Variants in ZNF600 observed in about 807,000 individuals in gnomAD.
ZNF600 encodes the protein zinc finger protein 600, also known as zinc finger protein KR-ZNF1.
Under a neutral mutation model 7.3 loss-of-function variants are expected in ZNF600, and 4 were observed. The observed-to-expected ratio is 0.55, with a 90% confidence interval of 0.27 to 1.25. The LOEUF (loss-of-function observed/expected upper bound fraction) is 1.25, where lower values mean the gene tolerates loss of function less well. ZNF600 is among the 50% of genes most tolerant of loss of function. The probability of loss-of-function intolerance (pLI) is 0.12; values close to 1 mark genes in which losing one functional copy is unlikely to be tolerated. For synonymous variants in ZNF600, 290 were observed against 308.9 expected, an observed-to-expected ratio of 0.94 and a Z score of 0.64; for missense variants, 911 against 922.1, an observed-to-expected ratio of 0.99 and a Z score of 0.16.
chr19:52,775,516 C>G (rs550354883), intron 2 of ZNF600, among the ~76,000 whole-genome samples: 9 of 152,236 alleles, frequency 5.9e-5, no homozygotes, highest in Non-Finnish European at 8.8e-5. Flanking sequence ...CACCACTGCA[C>G]TTTAGCCTGG....
chr19:52,766,196 A>G (rs1243870210), exon 4 of ZNF600: 1 of 1,613,634 alleles, frequency 6.2e-7, no homozygotes, highest in South Asian at 1.1e-5. Context: ...TCTCACCACT[A>G]TGAACTCTGC....
intron 3 of ZNF600, among the ~76,000 whole-genome samples, chr19:52,768,775 G>A (rs2062609236): frequency 6.6e-6 from 1 of 152,046 alleles, no homozygotes; most frequent in Non-Finnish European, 1.5e-5. Flanking sequence ...GCAAGAGTTC[G>A]AGGGCACAAG....
chr19:52,808,096 G>A, the ZNF600 span: 3 of 1,613,396 alleles, frequency 1.9e-6, no homozygotes, highest in Non-Finnish European at 2.5e-6. Context: ...CTCCTCCTGA[G>A]AGAATTCTAT....
chr19:52,810,781 A>AAAAC, the ZNF600 span: 321 of 119,240 alleles, frequency 2.7e-3, 2 homozygotes, highest in Middle Eastern at 5.7e-3. Context: ...AAAAAAACCC[A>AAAAC]AAAAAAACAG....
At chr19:52,767,127 C>T in exon 4 of ZNF600, 1 of 1,613,856 alleles carries the variant, frequency 6.2e-7, no homozygotes, top group Non-Finnish European at 8.5e-7. Context: ...AGTGTGACAT[C>T]TACAATGGCA....
chr19:52,789,839 C>G (rs936150331), upstream of ZNF600, among the ~76,000 whole-genome samples: 7 of 152,162 alleles, frequency 4.6e-5, no homozygotes, highest in African/African-American at 7.2e-5. Flanking sequence ...TTTATTTCAC[C>G]TGGGTGCAGG....
At chr19:52,815,529 TA>T in the ZNF600 span, among the ~76,000 whole-genome samples, 76 of 141,096 alleles carry the variant, frequency 5.4e-4, 9 homozygotes, top group Middle Eastern at 3.9e-3. Flanking sequence ...AAAAAATAAA[TA>T]AAAAAAATAA....
At chr19:52,766,523 T>C (rs746990695) in exon 4 of ZNF600, 15 of 1,613,180 alleles carry the variant, frequency 9.3e-6, no homozygotes, top group Non-Finnish European at 1.3e-5. Context: ...TGTAAGGTTT[T>C]CCTCCACTAT....
At chr19:52,765,716 G>A in exon 4 of ZNF600, 1 of 1,613,816 alleles carries the variant, frequency 6.2e-7, no homozygotes, top group Non-Finnish European at 8.5e-7. Context: ...GTTGTTTCAG[G>A]TGTGAATCAC....
the ZNF600 span, among the ~76,000 whole-genome samples, chr19:52,795,317 A>C: frequency 6.6e-6 from 1 of 152,202 alleles, no homozygotes; most frequent in Non-Finnish European, 1.5e-5. Flanking sequence ...ACACATTGAA[A>C]CAAGCTAAAA....
the ZNF600 span, among the ~76,000 whole-genome samples, chr19:52,812,636 C>T: frequency 3.1e-5 from 4 of 129,854 alleles, no homozygotes; most frequent in Non-Finnish European, 6.5e-5. Context: ...TGCGGAAGGC[C>T]GCAGGGACCT....
intron 1 of ZNF600, among the ~76,000 whole-genome samples, chr19:52,784,269 G>A (rs947379822): frequency 1.3e-5 from 2 of 152,070 alleles, no homozygotes; most frequent in Non-Finnish European, 1.5e-5. Context: ...AGCTGGGCTT[G>A]GTGTCTCACA....
chr19:52,804,655 G>A, the ZNF600 span, among the ~76,000 whole-genome samples: 1 of 152,278 alleles, frequency 6.6e-6, no homozygotes, highest in South Asian at 2.1e-4. Flanking sequence ...ACAGGTGTGA[G>A]CCACTGCACC....
the ZNF600 span, among the ~76,000 whole-genome samples, chr19:52,832,710 A>G: frequency 2.2e-4 from 34 of 152,160 alleles, no homozygotes; most frequent in African/African-American, 7.7e-4. Context: ...AGGCTGCTGT[A>G]AACTCTAAAT....
chr19:52,799,059 T>A, the ZNF600 span: 1 of 495,490 alleles, frequency 2.0e-6, no homozygotes, highest in African/African-American at 2.0e-5. Flanking sequence ...TCTTTCAAGC[T>A]GTGATTTGTG....
At chr19:52,810,890 C>G in the ZNF600 span, among the ~76,000 whole-genome samples, 25 of 15,184 alleles carry the variant, frequency 1.6e-3, 2 homozygotes, top group African/African-American at 6.2e-3. Context: ...CCTCCCCCTC[C>G]CCCTCCCCCT....
chr19:52,833,102 G>A, the ZNF600 span, among the ~76,000 whole-genome samples: 1 of 152,116 alleles, frequency 6.6e-6, no homozygotes, highest in South Asian at 2.1e-4. Flanking sequence ...GCCTTCAAAT[G>A]CATTAAGAAA....
chr19:52,821,025 C>T, the ZNF600 span, among the ~76,000 whole-genome samples: 1 of 152,134 alleles, frequency 6.6e-6, no homozygotes, highest in East Asian at 1.9e-4. Flanking sequence ...GAACACCCCG[C>T]GTCACAGGAC....
the ZNF600 span, among the ~76,000 whole-genome samples, chr19:52,818,922 C>T: frequency 0.6 from 78,988 of 132,662 alleles, 26,892 homozygotes; most frequent in Non-Finnish European, 0.72. Flanking sequence ...TCTGATGGGA[C>T]TGACACAGAG....
Sources: allele counts gnomAD v4.1 joint callset (sites outside exome capture counted in the v4.1 genomes callset), GRCh38; gene constraint gnomAD v4.1.1; transcripts MANE v1.5; gene names NCBI Gene and HGNC (gene_info 2026-07-23, HGNC 2026-07-21).